The following SMYD3 variants were observed in gnomAD, a reference collection of about 807,000 sequenced individuals.
SMYD3 encodes histone-lysine N-methyltransferase SMYD3.
Under a neutral mutation model 57.7 loss-of-function variants are expected in SMYD3, and 36 were observed. The observed-to-expected ratio is 0.62, with a 90% CI of 0.48 to 0.82. The LOEUF (loss-of-function observed/expected upper bound fraction) is 0.82. SMYD3 is among the 40% of genes least tolerant of loss of function. The pLI is 0.00. For synonymous variants in SMYD3, 211 were observed against 195.0 expected, an observed-to-expected ratio of 1.08 and a Z score of -0.68; for missense variants, 515 against 538.8, an observed-to-expected ratio of 0.96 and a Z score of 0.44.
intron 1 of SMYD3, among the ~76,000 whole-genome samples, chr1:246,381,383 T>A (rs2066382983): frequency 6.6e-6 from 1 of 152,192 alleles, no homozygotes; most frequent in South Asian, 2.1e-4. Flanking sequence ...TTAACAGGTA[T>A]AAATGATAAA....
intron 10 of SMYD3, among the ~76,000 whole-genome samples, chr1:245,770,191 A>G (rs1934565): frequency 0.05 from 7,628 of 152,302 alleles, 630 homozygotes; most frequent in African/African-American, 0.17. Flanking sequence ...AGGCAGCAAG[A>G]TCTTGAAAAG....
chr1:246,141,002 ATATAACT>A (rs2148114240), intron 5 of SMYD3, among the ~76,000 whole-genome samples: 1 of 152,298 alleles, frequency 6.6e-6, no homozygotes, highest in Non-Finnish European at 1.5e-5. Context: ...TTACTATCTT[ATATAACT>A]TATGACAGTA....
intron 1 of SMYD3, among the ~76,000 whole-genome samples, chr1:246,405,927 A>G (rs2066858447): frequency 7.3e-6 from 1 of 137,220 alleles, no homozygotes; most frequent in Non-Finnish European, 1.7e-5. Context: ...AAAAAAAAAG[A>G]AAGAAAGAAA....
chr1:246,480,670 A>G (rs545137161), intron 1 of SMYD3, among the ~76,000 whole-genome samples: 1 of 152,316 alleles, frequency 6.6e-6, no homozygotes, highest in African/African-American at 2.4e-5. Context: ...TTTACCAGCA[A>G]TGAGTATCCA....
At chr1:246,191,871 T>C (rs1474283193) in intron 5 of SMYD3, among the ~76,000 whole-genome samples, 2 of 152,326 alleles carry the variant, frequency 1.3e-5, no homozygotes, top group Non-Finnish European at 1.5e-5. Context: ...CTTGTTCAAA[T>C]GCAGTTGAGT....
chr1:246,324,473 T>C (rs1336234614), intron 5 of SMYD3, among the ~76,000 whole-genome samples: 1 of 149,686 alleles, frequency 6.7e-6, no homozygotes, highest in African/African-American at 2.5e-5. Flanking sequence ...ATGTCTATTA[T>C]CTGCACAGAA....
At chr1:246,243,526 T>C (rs970141469) in intron 5 of SMYD3, among the ~76,000 whole-genome samples, 1 of 150,848 alleles carries the variant, frequency 6.6e-6, no homozygotes, top group South Asian at 2.1e-4. Flanking sequence ...GGAAATCCTA[T>C]TAGAAAGACG....
chr1:246,437,971 T>C (rs777302463), intron 1 of SMYD3, among the ~76,000 whole-genome samples: 7 of 152,228 alleles, frequency 4.6e-5, no homozygotes, highest in Non-Finnish European at 5.9e-5. Context: ...TACGTATTCA[T>C]AGTCCTCATA....
chr1:246,300,010 AAT>A (rs2064865426), intron 5 of SMYD3, among the ~76,000 whole-genome samples: 1 of 151,470 alleles, frequency 6.6e-6, no homozygotes, highest in African/African-American at 2.4e-5. Context: ...CTGAACTTAA[AAT>A]TAAAGTTTAA....
At chr1:246,313,113 C>T (rs891718128) in intron 5 of SMYD3, among the ~76,000 whole-genome samples, 4 of 151,976 alleles carry the variant, frequency 2.6e-5, no homozygotes, top group African/African-American at 9.7e-5. Context: ...GTCATGTTGC[C>T]CAGGCTGGTC....
chr1:246,068,661 C>T (rs138789890), intron 5 of SMYD3, among the ~76,000 whole-genome samples: 1 of 152,322 alleles, frequency 6.6e-6, no homozygotes, highest in African/African-American at 2.4e-5. Flanking sequence ...CATGAGTTTA[C>T]TGTTCATAAT....
chr1:246,146,357 T>C (rs988721365), intron 5 of SMYD3, among the ~76,000 whole-genome samples: 3 of 152,134 alleles, frequency 2.0e-5, no homozygotes. Context: ...GAACTGTAAA[T>C]GGACCAAAAA....
chr1:246,116,633 C>T (rs2061346710), intron 5 of SMYD3, among the ~76,000 whole-genome samples: 1 of 152,208 alleles, frequency 6.6e-6, no homozygotes, highest in African/African-American at 2.4e-5. Flanking sequence ...TGCTATCTTA[C>T]TGTCCTGAAT....
chr1:245,924,655 C>G (rs74453816), intron 7 of SMYD3, among the ~76,000 whole-genome samples: 2,178 of 94,686 alleles, frequency 0.023, 129 homozygotes, highest in South Asian at 0.043. Flanking sequence ...TCTATTCCAG[C>G]TTTTTTTTTT....
At chr1:246,028,830 T>C (rs1469098445) in intron 5 of SMYD3, among the ~76,000 whole-genome samples, 3 of 152,082 alleles carry the variant, frequency 2.0e-5, no homozygotes, top group Non-Finnish European at 4.4e-5. Context: ...GACTTCAAAA[T>C]ATGCTACAAA....
At chr1:245,833,774 A>G (rs1336828175) in intron 10 of SMYD3, among the ~76,000 whole-genome samples, 1 of 152,334 alleles carries the variant, frequency 6.6e-6, no homozygotes, top group Admixed American at 6.5e-5. Flanking sequence ...GCAGGCAGGG[A>G]CAACCTCAGC....
chr1:246,001,318 A>C (rs1005911297), intron 5 of SMYD3, among the ~76,000 whole-genome samples: 8 of 152,224 alleles, frequency 5.3e-5, no homozygotes, highest in Admixed American at 6.5e-5. Flanking sequence ...TATGCCAGGC[A>C]AGTCCAAACA....
intron 1 of SMYD3, among the ~76,000 whole-genome samples, chr1:246,485,470 A>T (rs2068171632): frequency 6.6e-6 from 1 of 152,204 alleles, no homozygotes; most frequent in Non-Finnish European, 1.5e-5. Context: ...TTCCAACAGG[A>T]ATGAAAAGCT....
chr1:245,831,985 C>T (rs966590826), intron 10 of SMYD3, among the ~76,000 whole-genome samples: 2 of 152,220 alleles, frequency 1.3e-5, no homozygotes, highest in Non-Finnish European at 2.9e-5. Flanking sequence ...TTTCCTAAAG[C>T]TCACTGCCTT....
Sources: gnomAD v4.1 joint callset for allele counts (sites outside exome capture counted in the v4.1 genomes callset) on GRCh38, gnomAD v4.1.1 for gene constraint, MANE v1.5 for transcripts, NCBI Gene and HGNC (gene_info 2026-07-23, HGNC 2026-07-21) for gene names.